The following CCDC33 variants were observed in gnomAD, a reference collection of about 807,000 sequenced individuals.
CCDC33 encodes the protein coiled-coil domain containing 33.
Under a neutral mutation model 91.9 loss-of-function variants are expected in CCDC33, and 94 were observed. That is an observed-to-expected ratio of 1.02 (90% CI 0.87 to 1.21). The LOEUF is 1.21. Among genes scored for constraint, CCDC33 ranks in the 50% most tolerant of loss-of-function variants. The pLI, the probability that CCDC33 is intolerant of heterozygous loss-of-function variation, is 0.00. For missense variants in CCDC33, 940 were observed against 935.5 expected, an observed-to-expected ratio of 1.00 and a Z score of -0.06; for synonymous variants, 396 against 374.5, an observed-to-expected ratio of 1.06 and a Z score of -0.66.
exon 2 of CCDC33, chr15:74,209,503 G>A: frequency 4.1e-6 from 6 of 1,453,160 alleles, no homozygotes; most frequent in Non-Finnish European, 5.6e-6. Context: ...GCTAAGGGGA[G>A]TCATCACAGG....
At chr15:74,205,396 A>G (rs2074237578) in intron 1 of CCDC33, among the ~76,000 whole-genome samples, 1 of 152,160 alleles carries the variant, frequency 6.6e-6, no homozygotes, top group South Asian at 2.1e-4. Flanking sequence ...TGGAAGGTGA[A>G]GGGGGGTCAG....
At chr15:74,256,558 A>G (rs574714651) in intron 2 of CCDC33, among the ~76,000 whole-genome samples, 1 of 152,116 alleles carries the variant, frequency 6.6e-6, no homozygotes, top group Non-Finnish European at 1.5e-5. Flanking sequence ...TAGGACTGTG[A>G]TGGTGACTGA....
At chr15:74,326,095 T>A (rs768372594) in intron 11 of CCDC33, among the ~76,000 whole-genome samples, 77 of 152,014 alleles carry the variant, frequency 5.1e-4, no homozygotes, top group Admixed American at 2.4e-3. Flanking sequence ...GAGGTCAAGG[T>A]AGGAGGATCT....
chr15:74,299,637 C>T (rs1314184745), intron 11 of CCDC33: 1 of 152,294 alleles, frequency 6.6e-6, no homozygotes, highest in Non-Finnish European at 1.5e-5. Context: ...CAAGGAAATA[C>T]TGGACACTAC....
At chr15:74,281,757 G>A (rs1394808120) in intron 9 of CCDC33, 21 bp from the exon 10 acceptor site, 1 of 1,609,692 alleles carries the variant, frequency 6.2e-7, no homozygotes, top group Non-Finnish European at 8.5e-7. Context: ...CATGGTCTGA[G>A]TGCTCCCTTT....
At chr15:74,309,742 A>T (rs1776448472) in intron 11 of CCDC33, among the ~76,000 whole-genome samples, 1 of 152,134 alleles carries the variant, frequency 6.6e-6, no homozygotes, top group African/African-American at 2.4e-5. Flanking sequence ...CCTTCAGGGA[A>T]TCTATTTATC....
At chr15:74,332,628 C>T (rs1185538133) in intron 15 of CCDC33, 51 bp from the exon 16 acceptor site, 1 of 1,593,264 alleles carries the variant, frequency 6.3e-7, no homozygotes, top group East Asian at 2.2e-5. Context: ...AGGACAGGGA[C>T]ATGGGAAGCA....
At chr15:74,281,934 C>T in intron 10 of CCDC33, 85 bp downstream of exon 10, 1 of 1,239,388 alleles carries the variant, frequency 8.1e-7, no homozygotes, top group Admixed American at 1.8e-5. Context: ...TGGCTTTGTT[C>T]AGGGACTTCT....
upstream of CCDC33, among the ~76,000 whole-genome samples, chr15:74,232,399 C>T (rs115308227): frequency 2.8e-3 from 420 of 152,340 alleles, 3 homozygotes; most frequent in African/African-American, 7.7e-3. Context: ...CCTTCCCTGA[C>T]TCCTAGGTTT....
chr15:74,299,090 T>G (rs2059744306), intron 11 of CCDC33, among the ~76,000 whole-genome samples: 1 of 152,178 alleles, frequency 6.6e-6, no homozygotes, highest in Admixed American at 6.5e-5. Context: ...CTGAGCATGC[T>G]AGGCCGGGAT....
At chr15:74,264,993 C>G (rs2076129792) in intron 3 of CCDC33, among the ~76,000 whole-genome samples, 1 of 152,152 alleles carries the variant, frequency 6.6e-6, no homozygotes, top group Non-Finnish European at 1.5e-5. Flanking sequence ...CTTCAGTGCC[C>G]TCTCCCCCTT....
At chr15:74,333,128 C>A in intron 16 of CCDC33, 1 of 1,047,326 alleles carries the variant, frequency 9.5e-7, no homozygotes, top group South Asian at 1.4e-5. Context: ...ACCTGGCTGG[C>A]CTCCACCTGG....
intron 11 of CCDC33, among the ~76,000 whole-genome samples, chr15:74,317,728 G>A (rs1031335699): frequency 2.6e-5 from 4 of 152,180 alleles, no homozygotes; most frequent in African/African-American, 7.2e-5. Context: ...GCTTGTCTGG[G>A]ACAGACAGGC....
chr15:74,232,599 A>T (rs1291327727), upstream of CCDC33, among the ~76,000 whole-genome samples: 1 of 152,044 alleles, frequency 6.6e-6, no homozygotes, highest in African/African-American at 2.4e-5. Context: ...TGGGCAGCTG[A>T]GTTGGATGAG....
intron 5 of CCDC33, among the ~76,000 whole-genome samples, chr15:74,270,611 A>G (rs888791507): frequency 6.6e-6 from 1 of 152,088 alleles, no homozygotes; most frequent in African/African-American, 2.4e-5. Flanking sequence ...GAGCAAGAGG[A>G]ATGAGAGCCG....
intron 1 of CCDC33, among the ~76,000 whole-genome samples, chr15:74,204,788 A>G (rs1160979061): frequency 6.6e-6 from 1 of 152,166 alleles, no homozygotes; most frequent in Non-Finnish European, 1.5e-5. Context: ...ACAAAAAATT[A>G]GCCGGACGTG....
At chr15:74,217,532 C>G (rs2074477664) in exon 1 of CCDC33, 1 of 1,280,502 alleles carries the variant, frequency 7.8e-7, no homozygotes, top group African/African-American at 1.5e-5. Context: ...AGGAGCCTGG[C>G]CAGAGCCTCA....
In CCDC33 at chr15:74,258,646, G is replaced by A. The variant is rs148157179; in HGVS notation, c.186-3794G>A. 6.3e-3 allele frequency among the ~76,000 whole-genome samples: 963 copies of A among 152,226 alleles called. 7 individuals are homozygous for A. The highest frequency in any genetic ancestry group is 0.022 in the African/African-American group (902 of 41,532). On this transcript the variant is annotated intron_variant, in intron 2 of 18. Transcript: ENST00000398814. ...TATGTGTGTGTGCATGCATTTGTGC[G>A]CATGTGTGTGCATGTGTGTGTATGT... is the stretch of plus-strand genomic sequence containing the variant.
At chr15:74,233,123 C>T (rs969954317), upstream of CCDC33, among the ~76,000 whole-genome samples, 1 of 152,202 alleles carries the variant, frequency 6.6e-6, no homozygotes, top group East Asian at 1.9e-4. Flanking sequence ...CTTCCTCGAC[C>T]CCTTTATCTC....
Sources: allele counts gnomAD v4.1 joint callset (sites outside exome capture counted in the v4.1 genomes callset), GRCh38; gene constraint gnomAD v4.1.1; transcripts MANE v1.5; gene names NCBI Gene and HGNC (gene_info 2026-07-23, HGNC 2026-07-21).